The following UVRAG variants were observed in gnomAD, a reference collection of about 807,000 sequenced individuals.
UVRAG encodes UV radiation resistance associated, also known as UV radiation resistance-associated gene protein.
UVRAG carries 19 observed loss-of-function variants against 78.0 expected under a neutral mutation model. That is an observed-to-expected ratio of 0.24 (90% CI 0.17 to 0.36). The LOEUF (loss-of-function observed/expected upper bound fraction) is 0.36, where lower values mean the gene tolerates loss of function less well. UVRAG is among the 10% of genes least tolerant of loss of function. The pLI, the probability that UVRAG is intolerant of heterozygous loss-of-function variation, is 1.00. For missense variants in UVRAG, 740 were observed against 853.8 expected (o/e 0.87, Z 1.66); for synonymous variants, 323 against 324.6 (o/e 1.00, Z 0.05).
At chr11:76,010,932 G>A (rs1032850906) in intron 11 of UVRAG, among the ~76,000 whole-genome samples, 2 of 152,182 alleles carry the variant, frequency 1.3e-5, no homozygotes, top group Non-Finnish European at 2.9e-5. Context: ...TCAAGAAGCA[G>A]GATGGCATGA....
At chr11:75,838,762 C>T (rs143934978) in intron 1 of UVRAG, among the ~76,000 whole-genome samples, 4 of 152,196 alleles carry the variant, frequency 2.6e-5, no homozygotes, top group African/African-American at 9.6e-5. Context: ...AAATTTAGTC[C>T]CCAGTATGGC....
intron 12 of UVRAG, among the ~76,000 whole-genome samples, chr11:76,027,555 A>T (rs1261002595): frequency 6.6e-6 from 1 of 151,900 alleles, no homozygotes; most frequent in African/African-American, 2.4e-5. Context: ...GACTGTGGCA[A>T]TGTTCTCCTC....
intron 6 of UVRAG, among the ~76,000 whole-genome samples, chr11:75,958,047 T>G (rs1030944853): frequency 1.3e-5 from 2 of 152,218 alleles, no homozygotes; most frequent in Non-Finnish European, 2.9e-5. Flanking sequence ...CATACCTTAA[T>G]TAAAACATAC....
At chr11:75,832,702 CAG>C (rs1369800067) in intron 1 of UVRAG, among the ~76,000 whole-genome samples, 1 of 152,144 alleles carries the variant, frequency 6.6e-6, no homozygotes, top group African/African-American at 2.4e-5. Context: ...CCCTGGAGGT[CAG>C]GGGGTAGAGC....
intron 13 of UVRAG, among the ~76,000 whole-genome samples, chr11:76,107,173 T>G (rs1951986601): frequency 6.6e-6 from 1 of 152,230 alleles, no homozygotes; most frequent in Non-Finnish European, 1.5e-5. Flanking sequence ...AGGACCATCT[T>G]AATTGAAATA....
intron 1 of UVRAG, among the ~76,000 whole-genome samples, chr11:75,822,622 C>T (rs1945417792): frequency 6.6e-6 from 1 of 151,772 alleles, no homozygotes; most frequent in Non-Finnish European, 1.5e-5. Context: ...TTTACTAGAG[C>T]AGCTCACGGA....
At position 75,873,160 on chromosome 11, in the gene UVRAG, G is replaced by A. The variant is rs59326860; in HGVS notation, c.271-6719G>A. ...CTTTCTTGTAATAATTATACCAGTA[G>A]TAAAAATGAGTAAAATGGTTTTTAT... On this transcript the variant is annotated intron_variant, in intron 3 of 14. Coordinates refer to ENST00000356136, the MANE Select transcript of UVRAG (RefSeq NM_003369.4). Among the ~76,000 whole-genome samples the A allele has an allele frequency of 2.3e-4, 35 of 152,270 alleles. No individual in the cohort carries two copies. In the East Asian group the frequency reaches 4.2e-3, roughly 18 times the overall value.
At chr11:75,927,237 T>G (rs1948129819) in intron 6 of UVRAG, among the ~76,000 whole-genome samples, 1 of 152,056 alleles carries the variant, frequency 6.6e-6, no homozygotes, top group Non-Finnish European at 1.5e-5. Context: ...GCCCGTCTAA[T>G]TTTTATATTT....
In UVRAG at chr11:76,126,105, T is replaced by A. The variant is rs749065747; in HGVS notation, c.1397+10090T>A. Among the ~76,000 whole-genome samples, 9 of 149,176 alleles carry A rather than the reference T, an allele frequency of 6.0e-5. No individual in the cohort carries two copies. The East Asian group carries it at 7.7e-4, about 13-fold the overall frequency. On this transcript the variant is annotated intron_variant, in intron 14 of 14. Transcript: ENST00000356136. Reference sequence around the variant, plus strand: ...GCTGGGACCACAGGCGCATGCCACCTCACCCGGCTAATTTTTTAGTAGAGA... The same window carrying A: ...GCTGGGACCACAGGCGCATGCCACCACACCCGGCTAATTTTTTAGTAGAGA...
chr11:76,055,838 T>C (rs558307816), intron 12 of UVRAG, among the ~76,000 whole-genome samples: 1 of 152,170 alleles, frequency 6.6e-6, no homozygotes, highest in East Asian at 1.9e-4. Flanking sequence ...GCCTCCTGAG[T>C]AGCTGGGACT....
At chr11:75,928,529 C>T (rs1367811438) in intron 6 of UVRAG, among the ~76,000 whole-genome samples, 1 of 151,684 alleles carries the variant, frequency 6.6e-6, no homozygotes, top group Non-Finnish European at 1.5e-5. Flanking sequence ...ATTTGGGAGG[C>T]TGAAGGGGGA....
intron 14 of UVRAG, among the ~76,000 whole-genome samples, chr11:76,126,791 G>T (rs907957453): frequency 6.6e-6 from 1 of 152,074 alleles, no homozygotes; most frequent in African/African-American, 2.4e-5. Flanking sequence ...AGCGGAAGAG[G>T]GGGTTTCCAG....
At chr11:76,020,233 GGTTCCCCT>G (rs1950218518) in intron 12 of UVRAG, among the ~76,000 whole-genome samples, 1 of 152,090 alleles carries the variant, frequency 6.6e-6, no homozygotes, top group East Asian at 1.9e-4. Flanking sequence ...CAGGGCAGAG[GGTTCCCCT>G]CTGGACCAGG....
At position 75,951,361 on chromosome 11, in the gene UVRAG, A is replaced by G. The variant is rs542585350; in HGVS notation, c.594-10083A>G. Among the ~76,000 whole-genome samples, 1,248 of 130,734 alleles carry G rather than the reference A, an allele frequency of 9.5e-3. 14 individuals carry two copies. The highest frequency in any genetic ancestry group is 0.031 in the African/African-American group (921 of 29,804). 85.8% of individuals were successfully genotyped at this position (130,734 alleles called of 152,430 possible). ...TGTGTGTGTGTGTGTGTGTGTGTGT[A>G]TATATTTTTTGTTTGTTTGTTTGTT... is the stretch of plus-strand genomic sequence containing the variant. On this transcript the variant is annotated intron_variant, in intron 6 of 14. Coordinates refer to ENST00000356136, the MANE Select transcript of UVRAG (RefSeq NM_003369.4).
At chr11:75,867,798 T>C (rs1425365262) in intron 3 of UVRAG, among the ~76,000 whole-genome samples, 1 of 152,240 alleles carries the variant, frequency 6.6e-6, no homozygotes, top group Non-Finnish European at 1.5e-5. Flanking sequence ...CTTTTGAATT[T>C]AAATTGTTAA....
intron 3 of UVRAG, among the ~76,000 whole-genome samples, chr11:75,863,950 GT>G (rs1283693073): frequency 1.3e-5 from 2 of 152,010 alleles, no homozygotes; most frequent in Non-Finnish European, 2.9e-5. Flanking sequence ...TTTCTATTGG[GT>G]AGTTGTTTGA....
chr11:76,066,097 T>C (rs974702763), intron 13 of UVRAG, among the ~76,000 whole-genome samples: 2 of 152,214 alleles, frequency 1.3e-5, no homozygotes, highest in African/African-American at 4.8e-5. Flanking sequence ...CTCTGCAGCT[T>C]GACCAATTGT....
At chr11:76,106,473 C>A (rs1002597129) in intron 13 of UVRAG, among the ~76,000 whole-genome samples, 4 of 151,998 alleles carry the variant, frequency 2.6e-5, no homozygotes, top group Non-Finnish European at 5.9e-5. Context: ...TCAAGCAATT[C>A]TCTCACCTTA....
intron 3 of UVRAG, chr11:75,878,386 C>T (rs567561717): frequency 0.017 from 2,703 of 154,616 alleles, 76 homozygotes; most frequent in African/African-American, 0.065. Flanking sequence ...ACTGGGCAGC[C>T]AGGCAGAGGG....
Sources: gnomAD v4.1 joint callset for allele counts (sites outside exome capture counted in the v4.1 genomes callset) on GRCh38, gnomAD v4.1.1 for gene constraint, MANE v1.5 for transcripts, NCBI Gene and HGNC (gene_info 2026-07-23, HGNC 2026-07-21) for gene names.